Variants in TTC7B observed in about 807,000 individuals in gnomAD.
The protein encoded by TTC7B is tetratricopeptide repeat domain 7B, also known as tetratricopeptide repeat protein 7B.
TTC7B carries 28 observed loss-of-function variants against 106.8 expected under a neutral mutation model. The observed-to-expected ratio is 0.26, with a 90% CI of 0.19 to 0.36. The LOEUF (loss-of-function observed/expected upper bound fraction) is 0.36, where lower values mean the gene tolerates loss of function less well. Among genes scored for constraint, TTC7B ranks in the 10% least tolerant of loss-of-function variants. The pLI is 1.00. For missense variants in TTC7B, 862 were observed against 1,076.4 expected (o/e 0.80, Z 2.79); for synonymous variants, 405 against 430.6 (o/e 0.94, Z 0.74).
chr14:90,573,765 T>C (rs966949573), intron 19 of TTC7B, among the ~76,000 whole-genome samples: 5 of 152,250 alleles, frequency 3.3e-5, no homozygotes, highest in Non-Finnish European at 7.3e-5. Flanking sequence ...TGCCATCTGC[T>C]TCTGCTTCAC....
chr14:90,688,611 G>A lies in TTC7B; in HGVS notation c.950+929C>T, dbSNP rs527497444. Among the ~76,000 whole-genome samples, 34 of 130,318 alleles carry A rather than the reference G, an allele frequency of 2.6e-4. No homozygotes were observed. In the South Asian group the frequency reaches 8.7e-3, roughly 34 times the overall value. The allele number at this position is 130,318 out of a possible 152,430, so 85.5% of individuals were successfully genotyped here. On this transcript the variant is annotated intron_variant, in intron 7 of 19. Coordinates refer to ENST00000328459, the MANE Select transcript of TTC7B (RefSeq NM_001010854.2). ...GCACTCCAGCCTGGTGACAGAGAGA[G>A]GCTCTGTCTCAAAAAAAAAAAAAAA...
intron 3 of TTC7B, among the ~76,000 whole-genome samples, chr14:90,768,665 GT>G (rs910764526): frequency 6.6e-6 from 1 of 152,192 alleles, no homozygotes; most frequent in South Asian, 2.1e-4. Context: ...AAGCTGAGGA[GT>G]TTTTTTACCA....
chr14:90,811,754 A>G (rs1313896659), intron 1 of TTC7B, among the ~76,000 whole-genome samples: 3 of 152,200 alleles, frequency 2.0e-5, no homozygotes, highest in African/African-American at 7.2e-5. Flanking sequence ...ACAGGCAATG[A>G]TCTCCTAAGG....
chr14:90,575,692 A>G lies in TTC7B; in HGVS notation c.2310+2414T>C, dbSNP rs765376068. Among the ~76,000 whole-genome samples, 37 of 152,114 alleles carry G rather than the reference A, an allele frequency of 2.4e-4. No homozygotes were observed. Among genetic ancestry groups the G allele is most frequent in the Non-Finnish European group, 5.4e-4 (37 of 68,032 alleles). The stretch of plus-strand genomic sequence containing the variant: ...GGCCAGGTGCATCATTTAGAAAATC[A>G]CCAAGAAGGCGTGCTCAAGCTACCT... On this transcript the variant is annotated intron_variant, in intron 19 of 19. Transcript: ENST00000328459. The surrounding 1 kb of genome is among the most constrained non-coding windows in gnomAD (Gnocchi z 5.2).
intron 15 of TTC7B, among the ~76,000 whole-genome samples, chr14:90,630,552 A>C (rs918696734): frequency 3.9e-5 from 6 of 152,240 alleles, no homozygotes; most frequent in Non-Finnish European, 5.9e-5. Context: ...CATTGTGTAC[A>C]TTCACACTGT....
At chr14:90,785,646 G>C (rs1032803843) in intron 2 of TTC7B, among the ~76,000 whole-genome samples, 6 of 152,142 alleles carry the variant, frequency 3.9e-5, no homozygotes, top group Admixed American at 6.5e-5. Context: ...GGACAGATAG[G>C]GGGCAGCACC....
rs1889256404 is a variant in TTC7B at position 90,530,428 on chromosome 14, G to T, written c.*10940C>A. The stretch of plus-strand genomic sequence containing the variant: ...GGTAAGTGAAATGATGGTCCCAAAA[G>T]ATGCCTGCATCCTACTTTCTGGAAC... On this transcript the variant is annotated 3_prime_UTR_variant, in exon 20 of 20. Transcript: ENST00000328459. 1 of 152,238 alleles carries T rather than the reference G, an allele frequency of 6.6e-6. No individual in the cohort carries two copies. The allele number at this position is 152,238 out of a possible 1,614,324, so 9.4% of individuals were successfully genotyped here. A position where few individuals can be genotyped will look rare whatever the true frequency, so the allele number is the denominator to read the frequency against.
At chr14:90,572,391 C>T (rs1387529580) in intron 19 of TTC7B, among the ~76,000 whole-genome samples, 2 of 152,248 alleles carry the variant, frequency 1.3e-5, no homozygotes, top group African/African-American at 4.8e-5. Context: ...GACATATCCA[C>T]TGCACCTCAC....
Position 90,578,250 on chromosome 14 carries a change from A to G in TTC7B, c.2166T>C (p.Ala722=). ...TGTGGGACATTGGGAAGAGGTTGGC[A>G]GCTTCTTGGGTACAGGCTGTGGCTT... ...PAEATACTQE[A]ANLFPMSHNV... is the part of the protein sequence containing the mutation. Residue 722 remains alanine (A), a synonymous_variant, in exon 19 of 20, where the codon GCT becomes GCC. Transcript: ENST00000328459. The surrounding 1 kb of genome is among the most constrained non-coding windows in gnomAD (Gnocchi z 4.7). The G allele has an allele frequency of 6.2e-7, 1 of 1,614,186 alleles. No homozygotes were observed. Among genetic ancestry groups the G allele is most frequent in the East Asian group, 2.2e-5 (1 of 44,866 alleles).
intron 5 of TTC7B, among the ~76,000 whole-genome samples, chr14:90,717,015 C>T (rs1888682450): frequency 6.6e-6 from 1 of 152,126 alleles, no homozygotes; most frequent in South Asian, 2.1e-4. Context: ...ACCCAAAATA[C>T]AGAGGAAGGT....
chr14:90,688,858 C>CAA (rs1476274379), intron 7 of TTC7B, among the ~76,000 whole-genome samples: 1 of 151,804 alleles, frequency 6.6e-6, no homozygotes, highest in African/African-American at 2.4e-5. Flanking sequence ...TATGGGAATT[C>CAA]AAGACTTGAA....
intron 15 of TTC7B, among the ~76,000 whole-genome samples, chr14:90,620,537 G>T (rs1286454): frequency 0.91 from 138,301 of 152,176 alleles, 62,975 homozygotes; most frequent in African/African-American, 0.96. Flanking sequence ...TAAGGCATGA[G>T]TGCCAAGCAA....
intron 17 of TTC7B, among the ~76,000 whole-genome samples, chr14:90,602,656 G>C (rs755808684): frequency 1.3e-5 from 2 of 151,282 alleles, no homozygotes; most frequent in African/African-American, 2.4e-5. Flanking sequence ...AGCTGTAATC[G>C]TGTCATTGCA....
intron 4 of TTC7B, among the ~76,000 whole-genome samples, chr14:90,736,087 T>C (rs1234022577): frequency 2.6e-5 from 4 of 151,962 alleles, no homozygotes; most frequent in Non-Finnish European, 5.9e-5. Flanking sequence ...GGAAAGATCA[T>C]CTTAAAGTAG....
intron 5 of TTC7B, among the ~76,000 whole-genome samples, chr14:90,717,659 G>T (rs936167691): frequency 6.6e-6 from 1 of 152,254 alleles, no homozygotes; most frequent in African/African-American, 2.4e-5. Context: ...TGCAAAAAAA[G>T]AATAGAGAGG....
chr14:90,576,501 T>C (rs1338739718), intron 19 of TTC7B, among the ~76,000 whole-genome samples: 1 of 152,246 alleles, frequency 6.6e-6, no homozygotes, highest in East Asian at 1.9e-4. Context: ...AAAATGACTG[T>C]CTTCAGTTTC....
intron 1 of TTC7B, among the ~76,000 whole-genome samples, chr14:90,792,386 G>C (rs1428116738): frequency 3.9e-5 from 6 of 152,046 alleles, no homozygotes; most frequent in African/African-American, 1.4e-4. Context: ...AGACCAGCTT[G>C]GCCAATATGC....
At chr14:90,586,502 T>C (rs900123089) in intron 18 of TTC7B, among the ~76,000 whole-genome samples, 3 of 152,086 alleles carry the variant, frequency 2.0e-5, no homozygotes, top group African/African-American at 7.2e-5. Flanking sequence ...ACTCCTGACC[T>C]CAGGTGATTG....
At chr14:90,678,485 A>G (rs764694274) in intron 8 of TTC7B, among the ~76,000 whole-genome samples, 2 of 152,252 alleles carry the variant, frequency 1.3e-5, no homozygotes, top group Non-Finnish European at 2.9e-5. Context: ...TCGAGAAGTC[A>G]AAGGATATGG....
Sources: allele counts gnomAD v4.1 joint callset (sites outside exome capture counted in the v4.1 genomes callset), GRCh38; gene constraint gnomAD v4.1.1; non-coding constraint Gnocchi (gnomAD v3.1); transcripts MANE v1.5; gene names NCBI Gene and HGNC (gene_info 2026-07-23, HGNC 2026-07-21).